The following RGS12 variants were observed in gnomAD, a reference collection of about 807,000 sequenced individuals.
The protein encoded by RGS12 is regulator of G-protein signaling 12.
RGS12 carries 66 observed loss-of-function variants against 120.1 expected under a neutral mutation model. That is an observed-to-expected ratio of 0.55 (90% CI 0.45 to 0.67). The LOEUF (loss-of-function observed/expected upper bound fraction) is 0.67, where lower values mean the gene tolerates loss of function less well. Among genes scored for constraint, RGS12 ranks in the 30% least tolerant of loss-of-function variants. RGS12 has a pLI of 0.00. For missense variants in RGS12, 1,859 were observed against 1,957.7 expected (o/e 0.95, Z 0.95); for synonymous variants, 827 against 804.7 (o/e 1.03, Z -0.47).
intron 9 of RGS12, chr4:3,417,743 G>A: frequency 3.4e-6 from 2 of 591,500 alleles, no homozygotes; most frequent in Non-Finnish European, 3.0e-6. Flanking sequence ...GAGGGCAGCA[G>A]GGCTGCTCCA....
intron 3 of RGS12, among the ~76,000 whole-genome samples, chr4:3,375,115 G>A (rs1422830898): frequency 6.6e-6 from 1 of 152,198 alleles, no homozygotes; most frequent in Non-Finnish European, 1.5e-5. Context: ...CGGAGCTCAG[G>A]GGCCAGACTG....
intron 3 of RGS12, among the ~76,000 whole-genome samples, chr4:3,353,758 G>A (rs554130667): frequency 6.6e-6 from 1 of 152,260 alleles, no homozygotes; most frequent in Non-Finnish European, 1.5e-5. Flanking sequence ...CTGTGGATCT[G>A]TTGTGAGCTA....
intron 4 of RGS12, among the ~76,000 whole-genome samples, chr4:3,410,973 C>G (rs1721676834): frequency 1.3e-5 from 2 of 152,236 alleles, no homozygotes; most frequent in African/African-American, 2.4e-5. Flanking sequence ...TGGTGCTTTT[C>G]CCTACTGAGA....
chr4:3,328,140 A>G (rs550214848), intron 2 of RGS12, among the ~76,000 whole-genome samples: 1 of 152,374 alleles, frequency 6.6e-6, no homozygotes, highest in African/African-American at 2.4e-5. Context: ...AGTCAGATAC[A>G]GAAAGACAAA....
At position 3,316,962 on chromosome 4, in the gene RGS12, A is replaced by G. The variant is rs771520592; in HGVS notation, c.792A>G (p.Ala264=). The G allele has an allele frequency of 6.2e-7, 1 of 1,613,920 alleles. No homozygotes were observed. The highest frequency in any genetic ancestry group is 8.5e-7 in the Non-Finnish European group (1 of 1,180,038). ...GCGGCTGCATGCGGCGCCTGCGGGC[A>G]GAGCAGAAAATCCACTCGCTGGTGA... ...AIRGCMRRLR[A]EQKIHSLVTM... The change falls in exon 2 of 18, where the codon GCA becomes GCG. Residue 264 remains alanine, a synonymous_variant. Transcript: ENST00000336727.
chr4:3,402,944 G>C (rs74481709), intron 4 of RGS12, among the ~76,000 whole-genome samples: 4,212 of 152,296 alleles, frequency 0.028, 139 homozygotes, highest in African/African-American at 0.078. Context: ...CCTGTGGTCA[G>C]ATGTGACCTC....
intron 3 of RGS12, among the ~76,000 whole-genome samples, chr4:3,373,488 G>A (rs1717275023): frequency 6.6e-6 from 1 of 152,236 alleles, no homozygotes; most frequent in Admixed American, 6.5e-5. Flanking sequence ...CATCCGGGAA[G>A]GTGTTCGCAT....
chr4:3,436,573 C>T (rs1405474416), intron 17 of RGS12, among the ~76,000 whole-genome samples: 2 of 152,168 alleles, frequency 1.3e-5, no homozygotes, highest in Admixed American at 6.5e-5. Context: ...CAGGCCATGC[C>T]CCTGCCCCGG....
upstream of RGS12, among the ~76,000 whole-genome samples, chr4:3,288,067 C>T (rs948336218): frequency 6.6e-6 from 1 of 152,236 alleles, no homozygotes; most frequent in Admixed American, 6.5e-5. The surrounding 1 kb of genome is among the most constrained non-coding windows in gnomAD (Gnocchi z 5.2). Flanking sequence ...ACCGTGGGCC[C>T]GTACCTGCTG....
intron 9 of RGS12, chr4:3,417,774 C>T: frequency 1.8e-6 from 1 of 541,916 alleles, no homozygotes; most frequent in Non-Finnish European, 3.3e-6. Flanking sequence ...GAGAAAAGGG[C>T]TCAATACATT....
At chr4:3,342,340 CA>C (rs985664625) in intron 2 of RGS12, 12 of 1,125,330 alleles carry the variant, frequency 1.1e-5, no homozygotes, top group Non-Finnish European at 1.4e-5. Flanking sequence ...ATGATGGGCA[CA>C]ACATAGATGT....
chr4:3,308,959 C>T (rs1307931568), intron 1 of RGS12, among the ~76,000 whole-genome samples: 3 of 152,242 alleles, frequency 2.0e-5, no homozygotes, highest in Admixed American at 6.5e-5. Flanking sequence ...ACGCGGTCGG[C>T]ACTCGCAGCA....
chr4:3,291,945 C>T (rs1723045788), upstream of RGS12, among the ~76,000 whole-genome samples: 1 of 152,178 alleles, frequency 6.6e-6, no homozygotes, highest in South Asian at 2.1e-4. Context: ...CCAAACTAAT[C>T]ACACAAGACT....
At chr4:3,314,415 T>C (rs1449376821) in intron 1 of RGS12, 1 of 152,242 alleles carries the variant, frequency 6.6e-6, no homozygotes, top group East Asian at 1.9e-4. Flanking sequence ...TTTTATTTTA[T>C]TTTTTGAGAC....
intron 3 of RGS12, among the ~76,000 whole-genome samples, chr4:3,355,755 G>A (rs1222814246): frequency 2.2e-5 from 3 of 136,888 alleles, no homozygotes; most frequent in Admixed American, 1.6e-4. Context: ...CGTTTGTGCC[G>A]CTGCATTCTA....
intron 3 of RGS12, among the ~76,000 whole-genome samples, chr4:3,353,781 G>T (rs1431181216): frequency 6.6e-6 from 1 of 152,164 alleles, no homozygotes; most frequent in Non-Finnish European, 1.5e-5. Flanking sequence ...CTGGGGCCAG[G>T]ACTCCCTTCA....
At chr4:3,327,753 A>G (rs976700850) in intron 2 of RGS12, among the ~76,000 whole-genome samples, 5 of 152,198 alleles carry the variant, frequency 3.3e-5, no homozygotes, top group African/African-American at 1.2e-4. Context: ...ACAATAACAG[A>G]TGTTGTCAAG....
chr4:3,315,536 A>G (rs1375399617), intron 1 of RGS12, among the ~76,000 whole-genome samples: 1 of 152,044 alleles, frequency 6.6e-6, no homozygotes, highest in African/African-American at 2.4e-5. Context: ...ATATTAGGTG[A>G]CCCCTCTCCT....
intron 2 of RGS12, among the ~76,000 whole-genome samples, chr4:3,328,443 G>A (rs929102639): frequency 3.3e-5 from 5 of 152,324 alleles, no homozygotes; most frequent in Admixed American, 3.3e-4. Flanking sequence ...TCTGTGAAGA[G>A]CCAGTTTAGC....
Sources: allele counts gnomAD v4.1 joint callset (sites outside exome capture counted in the v4.1 genomes callset), GRCh38; gene constraint gnomAD v4.1.1; non-coding constraint Gnocchi (gnomAD v3.1); transcripts MANE v1.5; gene names NCBI Gene and HGNC (gene_info 2026-07-23, HGNC 2026-07-21).